The following CNTLN variants were observed in gnomAD, a reference collection of about 807,000 sequenced individuals.
CNTLN encodes the protein centlein.
CNTLN carries 212 observed loss-of-function variants against 180.0 expected under a neutral mutation model. The ratio of observed to expected loss-of-function variants is 1.18; its 90% confidence interval spans 1.05 to 1.32. The LOEUF is 1.32. Among genes scored for constraint, CNTLN ranks in the 40% most tolerant of loss-of-function variants. The probability of loss-of-function intolerance (pLI) is 0.00; values close to 1 mark genes in which losing one functional copy is unlikely to be tolerated. For synonymous variants in CNTLN, 722 were observed against 563.1 expected (o/e 1.28, Z -3.99); for missense variants, 2,095 against 1,610.9 (o/e 1.30, Z -5.14).
intron 7 of CNTLN, among the ~76,000 whole-genome samples, chr9:17,307,686 A>G (rs1240611607): frequency 6.6e-6 from 1 of 152,118 alleles, no homozygotes; most frequent in Non-Finnish European, 1.5e-5. Flanking sequence ...CAGGAGATGT[A>G]TTAATGAAAG....
intron 25 of CNTLN, among the ~76,000 whole-genome samples, chr9:17,496,129 T>G (rs961892153): frequency 6.6e-6 from 1 of 152,168 alleles, no homozygotes; most frequent in African/African-American, 2.4e-5. Flanking sequence ...TCATCCAGAT[T>G]CTGGAGCAAC....
intron 2 of CNTLN, among the ~76,000 whole-genome samples, chr9:17,144,915 C>A (rs1227310542): frequency 6.7e-6 from 1 of 149,960 alleles, no homozygotes; most frequent in Non-Finnish European, 1.5e-5. Flanking sequence ...AATCTCGGCT[C>A]ACTGCAAGCT....
At chr9:17,246,613 C>A (rs1197891733) in intron 5 of CNTLN, among the ~76,000 whole-genome samples, 1 of 152,160 alleles carries the variant, frequency 6.6e-6, no homozygotes, top group African/African-American at 2.4e-5. Context: ...TCCAGCAAGA[C>A]CTGTGTCCTT....
At chr9:17,147,107 C>T (rs967293536) in intron 2 of CNTLN, among the ~76,000 whole-genome samples, 1 of 152,112 alleles carries the variant, frequency 6.6e-6, no homozygotes, top group Non-Finnish European at 1.5e-5. Flanking sequence ...GAAGGTTTCT[C>T]CTTTGAATGT....
intron 18 of CNTLN, among the ~76,000 whole-genome samples, chr9:17,426,810 C>G (rs2584554): frequency 0.43 from 65,220 of 151,740 alleles, 16,220 homozygotes; most frequent in Non-Finnish European, 0.55. Context: ...AATTGTAATT[C>G]ATTGTGGTAA....
In CNTLN at chr9:17,218,545, T is replaced by A. The variant is rs538950987; in HGVS notation, c.450-7658T>A. ...GATGATGGCATAACTTTGATTTCTC[T>A]GAACTTCTGTTATTAAGTCTTACTG... On this transcript the variant is annotated intron_variant, in intron 2 of 25. Coordinates refer to ENST00000380647, the MANE Select transcript of CNTLN (RefSeq NM_017738.4). 2.6e-5 allele frequency among the ~76,000 whole-genome samples: 4 copies of A among 152,284 alleles called. No individual in the cohort carries two copies. The East Asian group carries it at 7.7e-4, about 29-fold the overall frequency.
chr9:17,520,454 T>A, the CNTLN span, among the ~76,000 whole-genome samples: 1 of 152,196 alleles, frequency 6.6e-6, no homozygotes, highest in South Asian at 2.1e-4. Flanking sequence ...CACCAGGTCC[T>A]CCTGAGAATA....
chr9:17,316,889 T>C (rs1290057270), intron 8 of CNTLN, among the ~76,000 whole-genome samples: 1 of 152,182 alleles, frequency 6.6e-6, no homozygotes, highest in Non-Finnish European at 1.5e-5. Flanking sequence ...TTAATGTCAA[T>C]ACATAACATT....
intron 5 of CNTLN, among the ~76,000 whole-genome samples, chr9:17,265,910 C>G (rs1284208263): frequency 1.3e-5 from 2 of 151,786 alleles, no homozygotes; most frequent in African/African-American, 2.4e-5. Context: ...TTTATTGCAT[C>G]TATTTGATTC....
At position 17,199,203 on chromosome 9, in the gene CNTLN, CTTTTTTTTTTTT is replaced by C. The variant is rs763632027; in HGVS notation, c.450-26985_450-26974del. Among the ~76,000 whole-genome samples, 277 of 73,798 alleles carry C rather than the reference CTTTTTTTTTTTT, an allele frequency of 3.8e-3. 9 individuals carry two copies. The East Asian group carries it at 0.087, about 23-fold the overall frequency. 48.4% of individuals were successfully genotyped at this position (73,798 alleles called of 152,430 possible). ...CTCGCCAGCATCTGTTGTTTCTTGA[CTTTTTTTTTTTT>C]TTTTTTTTTTTTTTGAGACAGAGTC... On this transcript the variant is annotated intron_variant, in intron 2 of 25. Transcript: ENST00000380647.
At chr9:17,387,252 A>C (rs945327172) in intron 13 of CNTLN, among the ~76,000 whole-genome samples, 1 of 152,148 alleles carries the variant, frequency 6.6e-6, no homozygotes, top group Admixed American at 6.6e-5. Flanking sequence ...TACAGCAGCC[A>C]AGCATACTTT....
At chr9:17,329,714 A>G (rs768509030) in intron 8 of CNTLN, among the ~76,000 whole-genome samples, 2 of 151,776 alleles carry the variant, frequency 1.3e-5, no homozygotes, top group Admixed American at 1.3e-4. Flanking sequence ...TGTTGGTTCA[A>G]AAAAGTTAAC....
At chr9:17,263,740 T>G (rs1172193568) in intron 5 of CNTLN, among the ~76,000 whole-genome samples, 1 of 145,498 alleles carries the variant, frequency 6.9e-6, no homozygotes, top group East Asian at 2.1e-4. Context: ...CCATTCTAAC[T>G]GGTGTGAGAT....
chr9:17,291,748 A>T (rs1829425457), intron 6 of CNTLN, among the ~76,000 whole-genome samples: 1 of 151,836 alleles, frequency 6.6e-6, no homozygotes, highest in Non-Finnish European at 1.5e-5. Flanking sequence ...ATGAGTCTTG[A>T]CTCTTTATCC....
At chr9:17,188,322 T>G (rs1821564854) in intron 2 of CNTLN, among the ~76,000 whole-genome samples, 1 of 152,060 alleles carries the variant, frequency 6.6e-6, no homozygotes, top group Admixed American at 6.5e-5. Context: ...AGTTCTACCA[T>G]GAGGGTATAT....
intron 5 of CNTLN, among the ~76,000 whole-genome samples, chr9:17,240,418 C>T (rs925896736): frequency 2.7e-4 from 41 of 151,998 alleles, no homozygotes; most frequent in Admixed American, 2.0e-4. Flanking sequence ...CATAGTTTCA[C>T]TTCTTCCTTT....
intron 2 of CNTLN, among the ~76,000 whole-genome samples, chr9:17,188,701 A>G (rs1259976563): frequency 1.3e-5 from 2 of 152,120 alleles, no homozygotes; most frequent in African/African-American, 4.8e-5. Context: ...CTTCTAGTAT[A>G]TGTTTCATAT....
intron 5 of CNTLN, among the ~76,000 whole-genome samples, chr9:17,240,732 G>A (rs552134030): frequency 6.6e-6 from 1 of 152,018 alleles, no homozygotes; most frequent in Non-Finnish European, 1.5e-5. Context: ...TTTGCTGTGC[G>A]GAAGCTTTTT....
intron 13 of CNTLN, among the ~76,000 whole-genome samples, chr9:17,377,143 A>G (rs1478292773): frequency 1.3e-5 from 2 of 152,224 alleles, no homozygotes; most frequent in Non-Finnish European, 2.9e-5. Context: ...TCAGCTTTAA[A>G]GTCTTGTCTC....
Sources: gnomAD v4.1 joint callset for allele counts (sites outside exome capture counted in the v4.1 genomes callset) on GRCh38, gnomAD v4.1.1 for gene constraint, MANE v1.5 for transcripts, NCBI Gene and HGNC (gene_info 2026-07-23, HGNC 2026-07-21) for gene names.